The following FHIT variants were observed in gnomAD, a reference collection of about 807,000 sequenced individuals.
FHIT encodes bis(5'-adenosyl)-triphosphatase.
Under a neutral mutation model 17.9 loss-of-function variants are expected in FHIT, and 19 were observed. The observed-to-expected ratio is 1.06, with a 90% CI of 0.74 to 1.56. The LOEUF (loss-of-function observed/expected upper bound fraction) is 1.56, where lower values mean the gene tolerates loss of function less well. FHIT is among the 40% of genes most tolerant of loss of function. The probability of loss-of-function intolerance (pLI) is 0.00; values close to 1 mark genes in which losing one functional copy is unlikely to be tolerated. For synonymous variants in FHIT, 81 were observed against 69.7 expected (o/e 1.16, Z -0.81); for missense variants, 248 against 189.2 (o/e 1.31, Z -1.82).
chr3:60,082,424 T>C (rs1703328199), intron 5 of FHIT, among the ~76,000 whole-genome samples: 1 of 152,158 alleles, frequency 6.6e-6, no homozygotes, highest in Non-Finnish European at 1.5e-5. Context: ...TAAATAGTGC[T>C]ACAATAAACA....
intron 4 of FHIT, among the ~76,000 whole-genome samples, chr3:60,577,235 C>A (rs560698051): frequency 6.6e-6 from 1 of 152,192 alleles, no homozygotes; most frequent in South Asian, 2.1e-4. Context: ...AACAAGCTCT[C>A]ACATACCAAA....
intron 8 of FHIT, among the ~76,000 whole-genome samples, chr3:59,915,610 T>C (rs1383117715): frequency 1.3e-5 from 2 of 152,238 alleles, no homozygotes; most frequent in Admixed American, 1.3e-4. Flanking sequence ...ACTACCATTA[T>C]AGCCCTCCAT....
intron 5 of FHIT, among the ~76,000 whole-genome samples, chr3:60,506,013 T>A (rs1310092095): frequency 6.6e-6 from 1 of 152,224 alleles, no homozygotes; most frequent in East Asian, 1.9e-4. Flanking sequence ...CTCCTCATTT[T>A]GTGGCAATTT....
rs79235695 is a variant in FHIT, at chr3:60,509,893, C to T, written c.103+26967G>A. Among the ~76,000 whole-genome samples the T allele has an allele frequency of 3.1e-3, 473 of 152,228 alleles. 7 individuals are homozygous for T. In the East Asian group the frequency reaches 0.036, roughly 12 times the overall value. ...TTTTTTTGTTTCAATGAATACATCA[C>T]GTACCTGGTAAAGAAACCTTGCTAC... On this transcript the variant is annotated intron_variant, in intron 5 of 9. Transcript: ENST00000492590.
intron 5 of FHIT, among the ~76,000 whole-genome samples, chr3:60,208,843 T>G (rs1703319505): frequency 6.6e-6 from 1 of 152,160 alleles, no homozygotes; most frequent in Non-Finnish European, 1.5e-5. Flanking sequence ...GCTCTAAGTT[T>G]CCATGACTAC....
intron 5 of FHIT, among the ~76,000 whole-genome samples, chr3:60,343,044 T>G (rs73104930): frequency 0.15 from 22,509 of 152,116 alleles, 1,734 homozygotes; most frequent in Non-Finnish European, 0.16. Flanking sequence ...TAACAACTGA[T>G]AGTTACACCC....
intron 4 of FHIT, among the ~76,000 whole-genome samples, chr3:60,819,555 C>T (rs1249591174): frequency 6.6e-6 from 1 of 152,138 alleles, no homozygotes; most frequent in Non-Finnish European, 1.5e-5. Context: ...TACTGAAAAT[C>T]CTAAAATGCC....
intron 5 of FHIT, among the ~76,000 whole-genome samples, chr3:60,433,394 A>G (rs963008113): frequency 6.6e-5 from 10 of 152,122 alleles, no homozygotes; most frequent in African/African-American, 2.4e-4. Flanking sequence ...GAGTGCTAAT[A>G]TCCTTTGAGA....
chr3:59,835,616 T>C (rs1281093318), intron 8 of FHIT, among the ~76,000 whole-genome samples: 4 of 152,148 alleles, frequency 2.6e-5, no homozygotes, highest in Admixed American at 2.0e-4. Flanking sequence ...GTAAATGGAA[T>C]ACTCTGAGGA....
At chr3:60,551,857 T>C (rs1199558991) in intron 4 of FHIT, among the ~76,000 whole-genome samples, 2 of 151,854 alleles carry the variant, frequency 1.3e-5, no homozygotes, top group African/African-American at 4.8e-5. Context: ...TCATATACCA[T>C]AAAATTCACC....
chr3:60,711,957 A>C (rs1434801788), intron 4 of FHIT, among the ~76,000 whole-genome samples: 1 of 152,186 alleles, frequency 6.6e-6, no homozygotes, highest in East Asian at 1.9e-4. Flanking sequence ...GAGCAACTCC[A>C]AGACACATAA....
At chr3:61,157,264 G>A (rs73095011) in intron 2 of FHIT, among the ~76,000 whole-genome samples, 2,055 of 152,158 alleles carry the variant, frequency 0.014, 26 homozygotes, top group Non-Finnish European at 0.021. Context: ...TTTTCATGGT[G>A]GATGAAAGTA....
At chr3:61,230,363 C>T (rs2040069362) in intron 1 of FHIT, among the ~76,000 whole-genome samples, 1 of 152,130 alleles carries the variant, frequency 6.6e-6, no homozygotes, top group Admixed American at 6.6e-5. Context: ...CCCTTACTAT[C>T]CTCTTGCTCC....
intron 5 of FHIT, among the ~76,000 whole-genome samples, chr3:60,360,591 C>A (rs772444716): frequency 2.0e-5 from 3 of 152,138 alleles, no homozygotes; most frequent in Non-Finnish European, 1.5e-5. Flanking sequence ...ATGAGGGCAA[C>A]AATAGCTATC....
intron 3 of FHIT, among the ~76,000 whole-genome samples, chr3:60,974,514 C>T (rs561345399): frequency 1.2e-4 from 19 of 152,310 alleles, no homozygotes; most frequent in African/African-American, 4.6e-4. Flanking sequence ...CTGCCTAAGA[C>T]TGAAGCCAAA....
intron 5 of FHIT, among the ~76,000 whole-genome samples, chr3:60,037,334 G>C (rs1372466832): frequency 1.3e-5 from 2 of 151,370 alleles, no homozygotes; most frequent in Admixed American, 1.3e-4. Context: ...CACCAGAGTT[G>C]ATAAACAATC....
intron 5 of FHIT, among the ~76,000 whole-genome samples, chr3:60,125,899 A>G (rs993986755): frequency 6.6e-6 from 1 of 152,142 alleles, no homozygotes; most frequent in Non-Finnish European, 1.5e-5. Flanking sequence ...AGAACAGTTT[A>G]TTGAGAGGCC....
At chr3:60,865,787 A>G (rs978875588) in intron 3 of FHIT, among the ~76,000 whole-genome samples, 1 of 152,266 alleles carries the variant, frequency 6.6e-6, no homozygotes, top group South Asian at 2.1e-4. Flanking sequence ...AGGGCACAAC[A>G]TCTTTTCAGG....
chr3:60,079,218 G>C (rs953537268), intron 5 of FHIT, among the ~76,000 whole-genome samples: 1 of 152,100 alleles, frequency 6.6e-6, no homozygotes, highest in Non-Finnish European at 1.5e-5. Flanking sequence ...AAGCAGTTTG[G>C]GGGCACCCGA....
Sources: allele counts gnomAD v4.1 joint callset (sites outside exome capture counted in the v4.1 genomes callset), GRCh38; gene constraint gnomAD v4.1.1; transcripts MANE v1.5; gene names NCBI Gene and HGNC (gene_info 2026-07-23, HGNC 2026-07-21).